Variants in MSH4 observed in about 807,000 individuals in gnomAD.
The protein encoded by MSH4 is mutS homolog 4, also known as mutS protein homolog 4.
A neutral mutation model predicts 113.7 loss-of-function variants in MSH4; 106 were observed. The observed-to-expected ratio is 0.93, with a 90% CI of 0.80 to 1.10. The LOEUF (loss-of-function observed/expected upper bound fraction) is 1.10. Among genes scored for constraint, MSH4 ranks in the 50% least tolerant of loss-of-function variants. The pLI, the probability that MSH4 is intolerant of heterozygous loss-of-function variation, is 0.00. For synonymous variants in MSH4, 368 were observed against 380.2 expected (o/e 0.97, Z 0.37); for missense variants, 1,061 against 1,093.7 (o/e 0.97, Z 0.42).
rs774325755 is a variant in MSH4 at position 75,908,148 on chromosome 1, GT to G, written c.2620-4533del. 4.4e-3 allele frequency among the ~76,000 whole-genome samples: 574 copies of G among 129,378 alleles called. 3 individuals are homozygous for G. Among genetic ancestry groups the G allele is most frequent in the South Asian group, 0.016 (66 of 4,024 alleles). The allele number at this position is 129,378 out of a possible 152,430, so 84.9% of individuals were successfully genotyped here. A position where few individuals can be genotyped will look rare whatever the true frequency, so the allele number is the denominator to read the frequency against. ...ATTTGATTTTTAAAAACTTTCATCTGTTTTTTTTTTTTTTTGAGACAGAGTC... is the reference window on the plus strand; with the variant it reads ...ATTTGATTTTTAAAAACTTTCATCTGTTTTTTTTTTTTTTGAGACAGAGTC... On this transcript the variant is annotated intron_variant, in intron 19 of 19. Coordinates refer to ENST00000263187, the MANE Select transcript of MSH4 (RefSeq NM_002440.4).
intron 7 of MSH4, among the ~76,000 whole-genome samples, chr1:75,825,898 T>C (rs1226989363): frequency 1.3e-5 from 2 of 152,236 alleles, no homozygotes; most frequent in Non-Finnish European, 2.9e-5. Context: ...ACATCAATGT[T>C]CATCAGGGAT....
chr1:75,814,279 C>T (rs1266709996), intron 4 of MSH4, among the ~76,000 whole-genome samples: 1 of 110,126 alleles, frequency 9.1e-6, no homozygotes, highest in Non-Finnish European at 1.8e-5. Flanking sequence ...ATAGTGAGAA[C>T]TTATCTCTGC....
At chr1:75,870,706 G>A (rs946210564) in intron 9 of MSH4, among the ~76,000 whole-genome samples, 2 of 152,136 alleles carry the variant, frequency 1.3e-5, no homozygotes, top group Admixed American at 6.5e-5. Context: ...CCAGCCATGT[G>A]GAATTGTGAG....
intron 10 of MSH4, 32 bp from the exon 11 acceptor site, chr1:75,878,117 C>T (rs759160948): frequency 1.4e-6 from 2 of 1,434,856 alleles, no homozygotes; most frequent in South Asian, 2.6e-5. Flanking sequence ...GACTTATTGC[C>T]TATAATGTTT....
intron 7 of MSH4, among the ~76,000 whole-genome samples, chr1:75,840,635 T>A (rs1391246248): frequency 6.7e-6 from 1 of 150,060 alleles, no homozygotes; most frequent in African/African-American, 2.4e-5. Flanking sequence ...AACCTGCACA[T>A]TGTGCACATG....
intron 7 of MSH4, among the ~76,000 whole-genome samples, chr1:75,834,350 A>G (rs1026119319): frequency 1.3e-5 from 2 of 152,354 alleles, no homozygotes; most frequent in African/African-American, 2.4e-5. Flanking sequence ...AACTAGTTCA[A>G]CCATTGTGGA....
At chr1:75,851,062 T>C (rs1651176569) in intron 8 of MSH4, among the ~76,000 whole-genome samples, 1 of 152,174 alleles carries the variant, frequency 6.6e-6, no homozygotes, top group Non-Finnish European at 1.5e-5. Flanking sequence ...TTTTAACTTA[T>C]TTTTGTCTTT....
In MSH4 at chr1:75,879,012, G is replaced by A; in HGVS notation, c.1561G>A (p.Glu521Lys). The change falls in exon 12 of 20, where the codon GAA becomes AAA. Residue 521 changes from glutamate (E) to lysine (K), a missense_variant. Physicochemically the swap from Glu to Lys is moderately conservative, Grantham distance 56. Transcript: ENST00000263187. ...DIAGMISQLG[E>K]KYSLPLRTSF... is the part of the protein sequence containing the mutation. ...ACCAGGAATGATATCACAACTTGGAGAAAAATATAGTCTACCTTTAAGGAC... is the reference window on the plus strand; with the variant it reads ...ACCAGGAATGATATCACAACTTGGAAAAAAATATAGTCTACCTTTAAGGAC... 1 of 1,609,012 alleles carries A rather than the reference G, an allele frequency of 6.2e-7. No individual in the cohort carries two copies. Among genetic ancestry groups the A allele is most frequent in the South Asian group, 1.1e-5 (1 of 90,618 alleles).
intron 8 of MSH4, 60 bp from the exon 9 acceptor site, chr1:75,867,454 A>G (rs1329446390): frequency 2.2e-6 from 2 of 903,458 alleles, no homozygotes; most frequent in African/African-American, 3.5e-5. Context: ...CAAGAGGAAA[A>G]CCCATTGTTC....
intron 6 of MSH4, among the ~76,000 whole-genome samples, chr1:75,817,478 A>G (rs773702504): frequency 3.3e-5 from 5 of 152,202 alleles, no homozygotes; most frequent in Non-Finnish European, 5.9e-5. Context: ...TTACCTTGTC[A>G]TGTTTCACAC....
intron 7 of MSH4, among the ~76,000 whole-genome samples, chr1:75,829,536 A>G (rs528769569): frequency 6.6e-5 from 10 of 152,328 alleles, no homozygotes; most frequent in Non-Finnish European, 1.3e-4. Context: ...GGCATCTCCC[A>G]GTAGGGGCCG....
chr1:75,871,203 C>A (rs1651706051), intron 9 of MSH4, among the ~76,000 whole-genome samples: 1 of 152,072 alleles, frequency 6.6e-6, no homozygotes, highest in Non-Finnish European at 1.5e-5. Context: ...ACGATCAGAT[C>A]TGATGAGAAC....
intron 8 of MSH4, among the ~76,000 whole-genome samples, chr1:75,864,526 T>C (rs999000316): frequency 3.3e-5 from 5 of 152,230 alleles, no homozygotes; most frequent in Non-Finnish European, 7.3e-5. Context: ...ATATTACTGG[T>C]TTTAAAATTT....
chr1:75,904,942 T>C lies in MSH4; in HGVS notation c.2619+5236T>C, dbSNP rs908519290. 3.3e-5 allele frequency among the ~76,000 whole-genome samples: 5 copies of C among 152,026 alleles called. No homozygotes were observed. In the South Asian group the frequency reaches 1.0e-3, roughly 31 times the overall value. ...TATTTCTGTGGTATCAATTGTTATG[T>C]CTCCTTTTTCATTTCTGATTTTATT... is the stretch of plus-strand genomic sequence containing the variant. On this transcript the variant is annotated intron_variant, in intron 19 of 19. Coordinates refer to ENST00000263187, the MANE Select transcript of MSH4 (RefSeq NM_002440.4).
chr1:75,886,576 ATG>A (rs200418687), intron 15 of MSH4, among the ~76,000 whole-genome samples: 30,348 of 121,630 alleles, frequency 0.25, 5,314 homozygotes, highest in Middle Eastern at 0.35. Flanking sequence ...GCAAGTTATT[ATG>A]TATAATATAT....
chr1:75,867,356 G>T (rs1400332033), intron 8 of MSH4, among the ~76,000 whole-genome samples, 158 bp from the exon 9 acceptor site: 3 of 147,860 alleles, frequency 2.0e-5, no homozygotes, highest in Non-Finnish European at 4.4e-5. Context: ...ATTATGGTGG[G>T]TCAATAATTT....
chr1:75,800,416 C>T (rs2100499225), intron 1 of MSH4, among the ~76,000 whole-genome samples: 1 of 152,194 alleles, frequency 6.6e-6, no homozygotes, highest in Admixed American at 6.5e-5. Flanking sequence ...AAGAGAGATA[C>T]TGATCAGATT....
chr1:75,821,360 G>A (rs1282916146), intron 6 of MSH4, among the ~76,000 whole-genome samples: 2 of 151,610 alleles, frequency 1.3e-5, no homozygotes, highest in Non-Finnish European at 2.9e-5. Flanking sequence ...AAACCAACGA[G>A]AACAAAGACA....
chr1:75,836,302 C>CTTTTTTTT (rs71071968), intron 7 of MSH4, among the ~76,000 whole-genome samples: 1 of 135,958 alleles, frequency 7.4e-6, no homozygotes. Context: ...CTTTCTTTTT[C>CTTTTTTTT]TTTTTTTTTT....
Sources: gnomAD v4.1 joint callset for allele counts (sites outside exome capture counted in the v4.1 genomes callset) on GRCh38, gnomAD v4.1.1 for gene constraint, MANE v1.5 for transcripts, NCBI Gene and HGNC (gene_info 2026-07-23, HGNC 2026-07-21) for gene names.